Variants in UBE3B observed in about 807,000 individuals in gnomAD.
UBE3B encodes the protein ubiquitin protein ligase E3B, also known as ubiquitin-protein ligase E3B.
A neutral mutation model predicts 132.3 loss-of-function variants in UBE3B; 80 were observed. The ratio of observed to expected loss-of-function variants is 0.60; its 90% CI spans 0.50 to 0.73. UBE3B has a LOEUF of 0.73. Among genes scored for constraint, UBE3B ranks in the 30% least tolerant of loss-of-function variants. The pLI is 0.00. For missense variants in UBE3B, 1,196 were observed against 1,362.5 expected (o/e 0.88, Z 1.92); for synonymous variants, 487 against 520.4 (o/e 0.94, Z 0.87).
At chr12:109,509,552 C>CT (rs144651250) in intron 15 of UBE3B, 44 bp from the exon 16 acceptor site, 38,530 of 1,400,916 alleles carry the variant, frequency 0.028, 2,576 homozygotes, top group African/African-American at 0.24. Context: ...TTCTCTTCGC[C>CT]TTTTTTCAGT....
intron 7 of UBE3B, 142 bp downstream of exon 7, chr12:109,488,810 C>T (rs568764872): frequency 1.4e-4 from 101 of 719,048 alleles, no homozygotes; most frequent in Non-Finnish European, 2.3e-4. Context: ...GCCCTTGGTG[C>T]TGACCATCAG....
At chr12:109,533,933 C>A (rs1883213750) in intron 27 of UBE3B, 1 of 1,318,526 alleles carries the variant, frequency 7.6e-7, no homozygotes. Flanking sequence ...TCGAATGCTA[C>A]TCCTACCCCA....
At chr12:109,510,295 T>A (rs756517854) in intron 16 of UBE3B, 49 bp from the exon 17 acceptor site, 16 of 1,460,966 alleles carry the variant, frequency 1.1e-5, no homozygotes, top group East Asian at 4.8e-5. Context: ...CTCCCCTTGC[T>A]CTCTGGCTCT....
chr12:109,511,111 T>C, intron 17 of UBE3B, 93 bp from the exon 18 acceptor site: 4 of 1,082,528 alleles, frequency 3.7e-6, no homozygotes, highest in Non-Finnish European at 5.5e-6. Flanking sequence ...GACAGCACCC[T>C]GCATGTGGCC....
At position 109,482,611 on chromosome 12, in the gene UBE3B, C is replaced by A. The variant is rs138472387; in HGVS notation, c.-22+869C>A. On this transcript the variant is annotated intron_variant, in intron 2 of 27. Coordinates refer to ENST00000342494, the MANE Select transcript of UBE3B (RefSeq NM_130466.4). ...ATTCATTTCAGTGTTTTTAACTGGG[C>A]TGATTGTGCATTTTGTATAGAATGG... 1.8e-4 allele frequency among the ~76,000 whole-genome samples: 28 copies of A among 152,288 alleles called. No individual in the cohort carries two copies. In the East Asian group the frequency reaches 5.2e-3, roughly 28 times the overall value.
chr12:109,488,547 A>G (rs762580572), intron 6 of UBE3B, 25 bp from the exon 7 acceptor site: 88 of 1,602,226 alleles, frequency 5.5e-5, no homozygotes, highest in Non-Finnish European at 7.4e-5. Flanking sequence ...GTGTGTCTTA[A>G]TCTTGCTGTG....
At chr12:109,540,906 T>C (rs759401110), downstream of UBE3B, among the ~76,000 whole-genome samples, 4 of 152,048 alleles carry the variant, frequency 2.6e-5, no homozygotes, top group African/African-American at 4.8e-5. Flanking sequence ...GGTGAGGAGG[T>C]ATGAGAGCGG....
downstream of UBE3B, among the ~76,000 whole-genome samples, chr12:109,540,147 A>G (rs949009674): frequency 3.9e-5 from 6 of 152,268 alleles, no homozygotes; most frequent in Admixed American, 2.6e-4. Flanking sequence ...TGGCTGCCCC[A>G]GGCCCTGAGT....
chr12:109,500,730 C>T (rs1878875336), intron 12 of UBE3B, among the ~76,000 whole-genome samples: 1 of 152,220 alleles, frequency 6.6e-6, no homozygotes, highest in African/African-American at 2.4e-5. Flanking sequence ...CTTTCCTCAT[C>T]TGAAACCTGG....
At chr12:109,532,923 C>T (rs1883089838) in intron 26 of UBE3B, among the ~76,000 whole-genome samples, 1 of 152,228 alleles carries the variant, frequency 6.6e-6, no homozygotes, top group Admixed American at 6.5e-5. Context: ...GTGACTGCAC[C>T]TGTGCAGTCC....
chr12:109,528,393 G>GT, intron 24 of UBE3B: 1 of 985,254 alleles, frequency 1.0e-6, no homozygotes, highest in Non-Finnish European at 1.2e-6. Flanking sequence ...TAGGAAAATC[G>GT]TATTTGTATG....
chr12:109,507,062 T>C (rs1364081497), intron 14 of UBE3B, among the ~76,000 whole-genome samples: 2 of 152,230 alleles, frequency 1.3e-5, no homozygotes, highest in African/African-American at 4.8e-5. Context: ...ATGAATTGTT[T>C]TTTGCTCAGA....
rs1264279406 is a variant in UBE3B at position 109,522,815 on chromosome 12, A to G, written c.2365-1163A>G. Among the ~76,000 whole-genome samples, 2 of 152,182 alleles carry G rather than the reference A, an allele frequency of 1.3e-5. No individual in the cohort carries two copies. Among genetic ancestry groups the G allele is most frequent in the Non-Finnish European group, 2.9e-5 (2 of 68,022 alleles). On this transcript the variant is annotated intron_variant, in intron 21 of 27. Transcript: ENST00000342494. This position sits in a 1 kb window ranked among gnomAD's most constrained non-coding sequence, Gnocchi z 4.2. ...CTCCAGTGATTTGGGTCCTGGGCCC[A>G]TTCTCTGTGCCTCTGTTTCCTCATC... is the stretch of plus-strand genomic sequence containing the variant.
the UBE3B span, among the ~76,000 whole-genome samples, chr12:109,546,858 C>G: frequency 1.3e-5 from 2 of 151,902 alleles, no homozygotes; most frequent in Non-Finnish European, 2.9e-5. Flanking sequence ...TACAGGTGCA[C>G]GCCACCACAC....
At chr12:109,497,318 T>G (rs1056888368) in intron 9 of UBE3B, among the ~76,000 whole-genome samples, 11 of 151,914 alleles carry the variant, frequency 7.2e-5, no homozygotes, top group African/African-American at 2.7e-4. Flanking sequence ...GTATACATAC[T>G]ATAGATACAC....
intron 4 of UBE3B, among the ~76,000 whole-genome samples, chr12:109,485,604 T>C (rs571816648): frequency 6.6e-6 from 1 of 152,342 alleles, no homozygotes; most frequent in South Asian, 2.1e-4. Flanking sequence ...TACAGCAGCC[T>C]TTGGCTACTG....
At position 109,499,699 on chromosome 12, in the gene UBE3B, G is replaced by A; in HGVS notation, c.1007G>A (p.Ser336Asn). Residue 336 changes from serine to asparagine, a missense_variant, in exon 12 of 28, where the codon AGT becomes AAT. By Grantham distance (46) the Ser-to-Asn change is conservative. Transcript: ENST00000342494. ...GAGGAGGAGACAGATGGGTTCGTGA[G>A]TTTGCTCACCCAGACGCTGTGCTAC... ...VLEEETDGFV[S>N]LLTQTLCYCR... The A allele has an allele frequency of 6.2e-7, 1 of 1,613,500 alleles. No homozygotes were observed. The highest frequency in any genetic ancestry group is 8.5e-7 in the Non-Finnish European group (1 of 1,179,660).
At position 109,499,879 on chromosome 12, in the gene UBE3B, T is replaced by C. The variant is rs577744805; in HGVS notation, c.1118+69T>C. ...ACCATCTTCTTCTTCCTTCTTTCTT[T>C]CTTCCAGCTTGTGGTGTTTTGTTTC... On this transcript the variant is annotated intron_variant, in intron 12 of 27. Transcript: ENST00000342494. The C allele has an allele frequency of 5.9e-5, 82 of 1,389,554 alleles. No individual in the cohort carries two copies. The South Asian group carries it at 1.4e-3, about 24-fold the overall frequency. The allele number at this position is 1,389,554 out of a possible 1,614,324, so 86.1% of individuals were successfully genotyped here.
downstream of UBE3B, among the ~76,000 whole-genome samples, chr12:109,540,455 C>G (rs1484769213): frequency 1.3e-5 from 2 of 152,236 alleles, no homozygotes; most frequent in Non-Finnish European, 2.9e-5. Flanking sequence ...AAGCAATCCA[C>G]CTGCCTTGGT....
Sources: gnomAD v4.1 joint callset for allele counts (sites outside exome capture counted in the v4.1 genomes callset) on GRCh38, gnomAD v4.1.1 for gene constraint, Gnocchi (gnomAD v3.1) non-coding constraint, MANE v1.5 for transcripts, NCBI Gene and HGNC (gene_info 2026-07-23, HGNC 2026-07-21) for gene names.